Variants in RBFOX3 observed in about 807,000 individuals in gnomAD.
RBFOX3 encodes the protein RNA binding fox-1 homolog 3.
In RBFOX3, 17 loss-of-function variants were observed where a neutral mutation model predicts 48.7. The observed-to-expected ratio is 0.35, with a 90% CI of 0.24 to 0.52. The LOEUF (loss-of-function observed/expected upper bound fraction) is 0.52, where lower values mean the gene tolerates loss of function less well. Ranked by LOEUF, RBFOX3 falls within the 20% of genes least tolerant of loss-of-function variation. The pLI, the probability that RBFOX3 is intolerant of heterozygous loss-of-function variation, is 0.94. For synonymous variants in RBFOX3, 212 were observed against 209.5 expected (o/e 1.01, Z -0.10); for missense variants, 382 against 497.5 (o/e 0.77, Z 2.21).
chr17:79,180,007 C>T (rs2051522154), intron 4 of RBFOX3, among the ~76,000 whole-genome samples: 1 of 152,166 alleles, frequency 6.6e-6, no homozygotes, highest in South Asian at 2.1e-4. Flanking sequence ...TGAGTGTGGC[C>T]CAGGGTCACC....
chr17:79,169,036 C>T (rs1417645210), intron 4 of RBFOX3, among the ~76,000 whole-genome samples: 1 of 152,234 alleles, frequency 6.6e-6, no homozygotes, highest in East Asian at 1.9e-4. Context: ...CACACTGCCG[C>T]TGAGTGGAGG....
chr17:79,275,884 A>G (rs1489653226), intron 3 of RBFOX3, among the ~76,000 whole-genome samples: 2 of 152,222 alleles, frequency 1.3e-5, no homozygotes, highest in South Asian at 2.1e-4. Context: ...TATACCCAAG[A>G]GAAACGAAAA....
chr17:79,385,153 G>T (rs564144308), intron 2 of RBFOX3, among the ~76,000 whole-genome samples: 3 of 152,194 alleles, frequency 2.0e-5, no homozygotes, highest in African/African-American at 7.2e-5. Context: ...AACACCTAAC[G>T]TGCATGGGAA....
chr17:79,452,072 A>G (rs1555741975), intron 2 of RBFOX3, among the ~76,000 whole-genome samples: 1 of 152,122 alleles, frequency 6.6e-6, no homozygotes, highest in Non-Finnish European at 1.5e-5. Context: ...GCCTAGAAGG[A>G]TGGGTAGAAT....
the RBFOX3 span, among the ~76,000 whole-genome samples, chr17:79,654,352 T>C: frequency 6.6e-6 from 1 of 152,192 alleles, no homozygotes; most frequent in Non-Finnish European, 1.5e-5. Flanking sequence ...GCAGGTGGCC[T>C]GGCACTGAGG....
chr17:79,652,604 A>AAGGAG, the RBFOX3 span, among the ~76,000 whole-genome samples: 1 of 16,088 alleles, frequency 6.2e-5, no homozygotes, highest in Non-Finnish European at 2.2e-4. Flanking sequence ...GAGGAGAGGA[A>AAGGAG]AGGAAAGGAA....
intron 3 of RBFOX3, among the ~76,000 whole-genome samples, chr17:79,257,966 C>A (rs540592387): frequency 6.6e-6 from 1 of 152,090 alleles, no homozygotes; most frequent in South Asian, 2.1e-4. Flanking sequence ...CTTGTGGGGA[C>A]GGGGGTCTCA....
chr17:79,626,291 G>A, the RBFOX3 span, among the ~76,000 whole-genome samples: 20 of 152,194 alleles, frequency 1.3e-4, no homozygotes, highest in East Asian at 3.9e-4. Context: ...ATCCCATTCC[G>A]TCCACAGCAG....
At chr17:79,226,590 G>T (rs1282631358) in intron 4 of RBFOX3, among the ~76,000 whole-genome samples, 1 of 152,116 alleles carries the variant, frequency 6.6e-6, no homozygotes, top group South Asian at 2.1e-4. Context: ...AGCCTGGGAT[G>T]TGGCAAAACT....
chr17:79,359,204 G>A (rs1028295298), intron 2 of RBFOX3, among the ~76,000 whole-genome samples: 1 of 152,248 alleles, frequency 6.6e-6, no homozygotes, highest in African/African-American at 2.4e-5. Context: ...GGCAAGAGCT[G>A]AGGGGCTTGG....
chr17:79,258,476 G>A (rs143609233), intron 3 of RBFOX3, among the ~76,000 whole-genome samples: 4 of 152,332 alleles, frequency 2.6e-5, no homozygotes, highest in South Asian at 4.1e-4. Context: ...TACTGAGCAC[G>A]GGAATGTGCT....
At chr17:79,442,928 T>A (rs74002508) in intron 2 of RBFOX3, among the ~76,000 whole-genome samples, 1 of 152,156 alleles carries the variant, frequency 6.6e-6, no homozygotes, top group Non-Finnish European at 1.5e-5. Context: ...ACAGCCACAA[T>A]GGAAAATCTG....
At chr17:79,265,488 G>A (rs931522609) in intron 3 of RBFOX3, among the ~76,000 whole-genome samples, 1 of 152,198 alleles carries the variant, frequency 6.6e-6, no homozygotes, top group African/African-American at 2.4e-5. Context: ...TATGTCCACT[G>A]GGCTGCCAGA....
In RBFOX3 at chr17:79,195,040, C is replaced by A. The variant is rs2055307392; in HGVS notation, c.-34+40726G>T. ...GCAGATGTCTTTCCGCTCAGCCCCA[C>A]CGACATCAGCTCACTATCATCCCCA... On this transcript the variant is annotated intron_variant, in intron 4 of 14. Coordinates refer to ENST00000693108, the MANE Select transcript of RBFOX3 (RefSeq NM_001350451.2). This position sits in a 1 kb window ranked among gnomAD's most constrained non-coding sequence, Gnocchi z 5.3. 6.6e-6 allele frequency among the ~76,000 whole-genome samples: 1 copy of A among 152,082 alleles called. No individual in the cohort carries two copies.
intron 1 of RBFOX3, chr17:79,601,711 T>G (rs1386767285): frequency 1.3e-5 from 2 of 152,162 alleles, no homozygotes; most frequent in Non-Finnish European, 2.9e-5. Context: ...CTTGGTGACT[T>G]CTGCCAAGGA....
chr17:79,600,299 C>T (rs996466068), intron 1 of RBFOX3: 3 of 152,408 alleles, frequency 2.0e-5, no homozygotes, highest in African/African-American at 7.2e-5. Context: ...CATGCACACA[C>T]ATGCACACAT....
intron 1 of RBFOX3, among the ~76,000 whole-genome samples, chr17:79,567,789 C>G (rs2144437604): frequency 6.6e-6 from 1 of 152,324 alleles, no homozygotes; most frequent in African/African-American, 2.4e-5. Context: ...AGAGTCCTTG[C>G]TGGGACTCCA....
intron 2 of RBFOX3, among the ~76,000 whole-genome samples, chr17:79,328,392 C>T (rs2079669121): frequency 6.6e-6 from 1 of 152,228 alleles, no homozygotes; most frequent in African/African-American, 2.4e-5. Flanking sequence ...ACCCTGGCCA[C>T]AATCTGTGGC....
chr17:79,315,317 C>T (rs2077385779), intron 2 of RBFOX3, among the ~76,000 whole-genome samples: 1 of 152,238 alleles, frequency 6.6e-6, no homozygotes, highest in Non-Finnish European at 1.5e-5. Flanking sequence ...ATCCTTCTCT[C>T]TGGGGACCCA....
Sources: allele counts gnomAD v4.1 joint callset (sites outside exome capture counted in the v4.1 genomes callset), GRCh38; gene constraint gnomAD v4.1.1; non-coding constraint Gnocchi (gnomAD v3.1); transcripts MANE v1.5; gene names NCBI Gene and HGNC (gene_info 2026-07-23, HGNC 2026-07-21).